The following CACNA1E variants were observed in gnomAD, a reference collection of about 807,000 sequenced individuals.
CACNA1E encodes the protein calcium voltage-gated channel subunit alpha1 E.
A neutral mutation model predicts 259.2 loss-of-function variants in CACNA1E; 40 were observed. That is an observed-to-expected ratio of 0.15 (90% CI 0.12 to 0.20). CACNA1E has a LOEUF of 0.20. Ranked by LOEUF, CACNA1E falls within the 10% of genes least tolerant of loss-of-function variation. The pLI, the probability that CACNA1E is intolerant of heterozygous loss-of-function variation, is 1.00. For synonymous variants in CACNA1E, 1,104 were observed against 1,138.5 expected (o/e 0.97, Z 0.61); for missense variants, 1,874 against 3,040.1 (o/e 0.62, Z 9.02).
At chr1:181,545,725 A>T (rs1647377289) in intron 3 of CACNA1E, among the ~76,000 whole-genome samples, 1 of 152,204 alleles carries the variant, frequency 6.6e-6, no homozygotes, top group Admixed American at 6.5e-5. Flanking sequence ...GGTGAATTCC[A>T]CATTTTGATC....
rs1480154251 is a variant in CACNA1E, at chr1:181,726,169, C to T, written c.2240+7C>T. On this transcript the variant is annotated splice_region_variant and intron_variant, in intron 18 of 47. Coordinates refer to ENST00000367573, the MANE Select transcript of CACNA1E (RefSeq NM_001205293.3). ...CCAACATGCCTTCGATCGAGTGAGTCAGCTGCCCCCTTCACTGATCCCTGA... is the reference window on the plus strand; with the variant it reads ...CCAACATGCCTTCGATCGAGTGAGTTAGCTGCCCCCTTCACTGATCCCTGA... 6.2e-7 allele frequency: 1 copy of T among 1,601,382 alleles called. No homozygotes were observed. The highest frequency in any genetic ancestry group is 8.5e-7 in the Non-Finnish European group (1 of 1,171,176).
chr1:181,328,450 C>A (rs1199388266), intron 1 of CACNA1E, among the ~76,000 whole-genome samples: 2 of 152,184 alleles, frequency 1.3e-5, no homozygotes, highest in African/African-American at 2.4e-5. Flanking sequence ...CCCCAGTGAG[C>A]AAGCCTTTTT....
chr1:181,571,567 C>G (rs1650415988), intron 3 of CACNA1E, among the ~76,000 whole-genome samples: 1 of 152,118 alleles, frequency 6.6e-6, no homozygotes, highest in South Asian at 2.1e-4. Flanking sequence ...TGTCAACTAC[C>G]CATGGGAATG....
intron 1 of CACNA1E, among the ~76,000 whole-genome samples, chr1:181,492,832 A>T (rs1485596978): frequency 6.6e-6 from 1 of 152,166 alleles, no homozygotes; most frequent in Non-Finnish European, 1.5e-5. Flanking sequence ...CTCCTTCCTG[A>T]AGGTCAGGAG....
chr1:181,618,078 G>A (rs773011470), intron 6 of CACNA1E, among the ~76,000 whole-genome samples: 7 of 152,056 alleles, frequency 4.6e-5, no homozygotes, highest in East Asian at 1.9e-4. Flanking sequence ...CATTTAATTC[G>A]CCTACGGTGC....
chr1:181,483,507 T>TTC (rs375048675), upstream of CACNA1E: 5,693 of 344,410 alleles, frequency 0.017, 349 homozygotes, highest in African/African-American at 0.11. Flanking sequence ...TTTTCTTTTT[T>TTC]TTTTTTTTCC....
In CACNA1E at chr1:181,577,530, A is replaced by C. The variant is rs190998640; in HGVS notation, c.513-236A>C. Reference sequence around the variant, plus strand: ...CCTTGTGTTTTGCTTGGGATTTGGAACTAGGGTTCTGGTATGATGATAAGT... The same window carrying C: ...CCTTGTGTTTTGCTTGGGATTTGGACCTAGGGTTCTGGTATGATGATAAGT... On this transcript the variant is annotated intron_variant, in intron 3 of 47. Transcript: ENST00000367573. Among the ~76,000 whole-genome samples, 4,851 of 152,212 alleles carry C rather than the reference A, an allele frequency of 0.032. 254 individuals are homozygous for C. Among genetic ancestry groups the C allele is most frequent in the African/African-American group, 0.11 (4,551 of 41,494 alleles).
intron 7 of CACNA1E, among the ~76,000 whole-genome samples, chr1:181,680,235 A>C (rs142714432): frequency 2.6e-5 from 4 of 151,874 alleles, no homozygotes; most frequent in African/African-American, 9.7e-5. Context: ...CAAAATGGGC[A>C]TTTGGGAGAT....
intron 3 of CACNA1E, among the ~76,000 whole-genome samples, chr1:181,551,199 G>A (rs1210720474): frequency 1.3e-5 from 2 of 152,166 alleles, no homozygotes; most frequent in East Asian, 3.8e-4. Context: ...CATCCTGTTG[G>A]GGAAGGACAA....
In CACNA1E at chr1:181,483,772, G is replaced by A. The variant is rs751662861; in HGVS notation, c.28G>A (p.Ala10Thr). 1 of 1,609,580 alleles carries A rather than the reference G, an allele frequency of 6.2e-7. No homozygotes were observed. The highest frequency in any genetic ancestry group is 8.5e-7 in the Non-Finnish European group (1 of 1,177,922). Residue 10 changes from alanine to threonine, a missense_variant, in exon 1 of 48, where the codon GCC (alanine) becomes ACC (threonine). This residue lies in a region of CACNA1E where 110 missense variants were observed against 122.8 expected (regional missense o/e 0.90). Transcript: ENST00000367573. Reference protein sequence around the residue: MARFGEAVVARPGSGDGDSD... With the variant: MARFGEAVVTRPGSGDGDSD... ...GGCTCGCTTCGGGGAGGCGGTGGTC[G>A]CCAGGCCAGGGTCCGGCGATGGAGA...
chr1:181,701,910 A>G (rs557687929), intron 7 of CACNA1E, among the ~76,000 whole-genome samples: 1 of 152,184 alleles, frequency 6.6e-6, no homozygotes, highest in Non-Finnish European at 1.5e-5. Context: ...TTTATTGATG[A>G]TGTTTTACTG....
At chr1:181,775,612 G>C (rs1349163496) in intron 37 of CACNA1E, among the ~76,000 whole-genome samples, 2 of 152,196 alleles carry the variant, frequency 1.3e-5, no homozygotes, top group East Asian at 3.8e-4. Flanking sequence ...TTTACCACCT[G>C]TTTTTGTATA....
At chr1:181,563,369 T>A (rs1649513328) in intron 3 of CACNA1E, among the ~76,000 whole-genome samples, 1 of 152,186 alleles carries the variant, frequency 6.6e-6, no homozygotes, top group Admixed American at 6.5e-5. Flanking sequence ...AAGAGTTATT[T>A]GAGAAGGTTT....
chr1:181,757,579 T>C (rs958672218), intron 30 of CACNA1E, among the ~76,000 whole-genome samples: 1 of 152,210 alleles, frequency 6.6e-6, no homozygotes, highest in Non-Finnish European at 1.5e-5. Flanking sequence ...AACTAGAAAC[T>C]GTTAGGGACT....
intron 1 of CACNA1E, among the ~76,000 whole-genome samples, chr1:181,491,186 C>T (rs1206377457): frequency 1.3e-5 from 2 of 152,222 alleles, no homozygotes; most frequent in Non-Finnish European, 2.9e-5. Flanking sequence ...TGCTGCTTTT[C>T]TATCAGCGAC....
chr1:181,623,940 A>G (rs189208815), intron 6 of CACNA1E, among the ~76,000 whole-genome samples: 70 of 152,262 alleles, frequency 4.6e-4, no homozygotes, highest in Admixed American at 7.2e-4. Context: ...GAGGCTGGAT[A>G]TTTTATAAAG....
At chr1:181,609,670 A>G (rs1654562284) in intron 6 of CACNA1E, among the ~76,000 whole-genome samples, 1 of 152,232 alleles carries the variant, frequency 6.6e-6, no homozygotes, top group African/African-American at 2.4e-5. Context: ...AATGCAAATC[A>G]TCATTTATTC....
chr1:181,451,069 C>T (rs538458365), intron 2 of CACNA1E, among the ~76,000 whole-genome samples: 1 of 152,276 alleles, frequency 6.6e-6, no homozygotes, highest in Non-Finnish European at 1.5e-5. Flanking sequence ...AGTGTGGAGG[C>T]ATGGGGTGGA....
chr1:181,609,156 A>G (rs1416280204), intron 6 of CACNA1E, among the ~76,000 whole-genome samples: 3 of 152,244 alleles, frequency 2.0e-5, no homozygotes, highest in African/African-American at 7.2e-5. Flanking sequence ...TGTAATGCCA[A>G]TTCTTATTTA....
Sources: allele counts gnomAD v4.1 joint callset (sites outside exome capture counted in the v4.1 genomes callset), GRCh38; gene constraint gnomAD v4.1.1; regional missense constraint gnomAD v4.1.1; transcripts MANE v1.5; gene names NCBI Gene and HGNC (gene_info 2026-07-23, HGNC 2026-07-21).